The following CCDC171 variants were observed in gnomAD, a reference collection of about 807,000 sequenced individuals.
CCDC171 encodes coiled-coil domain-containing protein 171.
A neutral mutation model predicts 168.2 loss-of-function variants in CCDC171; 177 were observed. The ratio of observed to expected loss-of-function variants is 1.05; its 90% CI spans 0.93 to 1.19. CCDC171 has a LOEUF of 1.19. Ranked by LOEUF, CCDC171 falls within the 50% of genes most tolerant of loss-of-function variation. The pLI is 0.00. For synonymous variants in CCDC171, 687 were observed against 540.8 expected, an observed-to-expected ratio of 1.27 and a Z score of -3.75; for missense variants, 1,991 against 1,539.0, an observed-to-expected ratio of 1.29 and a Z score of -4.91.
chr9:15,826,949 G>C (rs988736770), intron 21 of CCDC171, among the ~76,000 whole-genome samples: 3 of 152,192 alleles, frequency 2.0e-5, no homozygotes, highest in Admixed American at 1.3e-4. Flanking sequence ...TTTATGAAAA[G>C]CTTTGTTTGA....
At chr9:15,936,947 T>C (rs1827187918) in intron 25 of CCDC171, among the ~76,000 whole-genome samples, 1 of 152,038 alleles carries the variant, frequency 6.6e-6, no homozygotes, top group South Asian at 2.1e-4. Context: ...ATGCAAAATA[T>C]TGCTCAGTGC....
At chr9:16,070,732 A>C in the CCDC171 span, among the ~76,000 whole-genome samples, 1 of 152,184 alleles carries the variant, frequency 6.6e-6, no homozygotes, top group Non-Finnish European at 1.5e-5. Context: ...CCTTTGCATG[A>C]CATTTAACAT....
At chr9:15,591,764 C>T (rs758419421) in intron 5 of CCDC171, among the ~76,000 whole-genome samples, 10 of 151,754 alleles carry the variant, frequency 6.6e-5, no homozygotes, top group East Asian at 1.9e-4. Flanking sequence ...AAACGGTTTG[C>T]GGTCGCTAAT....
intron 9 of CCDC171, among the ~76,000 whole-genome samples, chr9:15,671,076 A>C (rs538158488): frequency 6.6e-6 from 1 of 152,346 alleles, no homozygotes; most frequent in African/African-American, 2.4e-5. Context: ...TGGGCGACCA[A>C]GTGAGACGCT....
chr9:15,993,646 C>T (rs890294215), intron 3 of CCDC171, among the ~76,000 whole-genome samples: 5 of 152,210 alleles, frequency 3.3e-5, no homozygotes, highest in African/African-American at 7.2e-5. Context: ...CTACCATCAG[C>T]GTGAACAGGC....
In CCDC171 at chr9:15,743,855, T is replaced by A. The variant is rs530012767; in HGVS notation, c.2050-418T>A. Among the ~76,000 whole-genome samples, 25 of 152,344 alleles carry A rather than the reference T, an allele frequency of 1.6e-4. No homozygotes were observed. The South Asian group carries it at 5.2e-3, about 32-fold the overall frequency. On this transcript the variant is annotated intron_variant, in intron 16 of 25. Transcript: ENST00000380701. ...ATTTTGGTAAAAAGTAAAGTCTTTT[T>A]TACATCTAGGAAACCCTCTATTGGC...
At chr9:15,570,075 T>G (rs889116192) in intron 2 of CCDC171, among the ~76,000 whole-genome samples, 3 of 152,184 alleles carry the variant, frequency 2.0e-5, no homozygotes, top group Non-Finnish European at 2.9e-5. Context: ...GGTTCAAGGA[T>G]TCTCCTGCCT....
intron 25 of CCDC171, among the ~76,000 whole-genome samples, chr9:15,946,093 A>G (rs1320679585): frequency 6.6e-6 from 1 of 151,306 alleles, no homozygotes; most frequent in Non-Finnish European, 1.5e-5. Flanking sequence ...TCAGCTTTCT[A>G]CATATGGCTA....
intron 11 of CCDC171, among the ~76,000 whole-genome samples, chr9:15,703,457 C>T (rs1233121265): frequency 6.6e-6 from 1 of 152,202 alleles, no homozygotes; most frequent in African/African-American, 2.4e-5. Flanking sequence ...CTTCTCTCTA[C>T]CTCCATGAGA....
intron 11 of CCDC171, among the ~76,000 whole-genome samples, chr9:15,709,000 T>C (rs2052454941): frequency 6.6e-6 from 1 of 152,120 alleles, no homozygotes; most frequent in Non-Finnish European, 1.5e-5. Flanking sequence ...CTAAATAGAA[T>C]TTGTGAAAAA....
At chr9:15,604,799 G>T (rs1440749420) in intron 6 of CCDC171, among the ~76,000 whole-genome samples, 1 of 152,132 alleles carries the variant, frequency 6.6e-6, no homozygotes, top group East Asian at 1.9e-4. Flanking sequence ...GAAGTTACGT[G>T]AAAAGAAAGT....
At chr9:15,825,268 G>A (rs1405986128) in intron 21 of CCDC171, among the ~76,000 whole-genome samples, 3 of 152,092 alleles carry the variant, frequency 2.0e-5, no homozygotes, top group African/African-American at 7.2e-5. Context: ...TAGACAAGGA[G>A]CAGGTGAGAT....
At chr9:15,621,398 C>T (rs1381976180) in intron 6 of CCDC171, among the ~76,000 whole-genome samples, 2 of 152,148 alleles carry the variant, frequency 1.3e-5, no homozygotes, top group African/African-American at 2.4e-5. Context: ...TGATGTGACT[C>T]ACTTTATTGC....
At chr9:15,683,837 G>C (rs531256769) in intron 10 of CCDC171, among the ~76,000 whole-genome samples, 2 of 152,136 alleles carry the variant, frequency 1.3e-5, no homozygotes, top group East Asian at 1.9e-4. Flanking sequence ...ATGTTTATAT[G>C]TTAAGGCCCA....
At position 15,987,279 on chromosome 9, in the gene CCDC171, A is replaced by C. The variant is rs566643279; in HGVS notation, n.369-33310A>C. 4.6e-5 allele frequency among the ~76,000 whole-genome samples: 7 copies of C among 152,262 alleles called. No individual in the cohort carries two copies. The East Asian group carries it at 1.2e-3, about 25-fold the overall frequency. Reference sequence around the variant, plus strand: ...CTTTAGCATTTAAAGAACTCCTAAAAATTGGAGGAGGGTGAGGATTGAAAA... The same window carrying C: ...CTTTAGCATTTAAAGAACTCCTAAACATTGGAGGAGGGTGAGGATTGAAAA... On this transcript the variant is annotated intron_variant and non_coding_transcript_variant, in intron 3 of 9. Coordinates refer to the CCDC171 transcript ENST00000486641.
intron 1 of CCDC171, among the ~76,000 whole-genome samples, chr9:16,043,656 G>A (rs1008022394): frequency 6.6e-6 from 1 of 152,234 alleles, no homozygotes; most frequent in African/African-American, 2.4e-5. Context: ...AGACTAGTAA[G>A]TCCCAGTGCT....
chr9:15,592,597 A>G (rs543788156), intron 5 of CCDC171, among the ~76,000 whole-genome samples: 1 of 151,764 alleles, frequency 6.6e-6, no homozygotes, highest in South Asian at 2.1e-4. Flanking sequence ...GTATTCTTAG[A>G]CCCTGGAACA....
In CCDC171 at chr9:15,973,274, T is replaced by C. The variant is rs1221381878; in HGVS notation, c.*1438T>C. On this transcript the variant is annotated 3_prime_UTR_variant, in exon 26 of 26. Transcript: ENST00000380701. ...TTATTTTTCATTATGGAATCTTTCA[T>C]TATGGATACATTAGAGTATAACAGT... The C allele has an allele frequency of 6.6e-6, 1 of 152,222 alleles. No individual in the cohort carries two copies. Among genetic ancestry groups the C allele is most frequent in the Non-Finnish European group, 1.5e-5 (1 of 68,038 alleles). The allele number at this position is 152,222 out of a possible 1,614,324, so 9.4% of individuals were successfully genotyped here. A position where few individuals can be genotyped will look rare whatever the true frequency, so the allele number is the denominator to read the frequency against.
intron 23 of CCDC171, among the ~76,000 whole-genome samples, chr9:15,861,061 C>T (rs1176290163): frequency 3.4e-4 from 1 of 2,956 alleles, no homozygotes; most frequent in Non-Finnish European, 6.3e-4. Context: ...GCTTCTAATC[C>T]TAATCTATTT....
Sources: gnomAD v4.1 joint callset for allele counts (sites outside exome capture counted in the v4.1 genomes callset) on GRCh38, gnomAD v4.1.1 for gene constraint, MANE v1.5 for transcripts, NCBI Gene and HGNC (gene_info 2026-07-23, HGNC 2026-07-21) for gene names.